MALRD1: variants seen among roughly 807,000 people sequenced by gnomAD.
MALRD1 encodes the protein MAM and LDL receptor class A domain containing 1, also known as MAM and LDL-receptor class A domain-containing protein 1.
MALRD1 carries 247 observed loss-of-function variants against 242.1 expected under a neutral mutation model. That is an observed-to-expected ratio of 1.02 (90% CI 0.92 to 1.13). The LOEUF is 1.13. Ranked by LOEUF, MALRD1 falls within the 50% of genes most tolerant of loss-of-function variation. MALRD1 has a pLI of 0.00. For missense variants in MALRD1, 2,989 were observed against 2,533.1 expected, an observed-to-expected ratio of 1.18 and a Z score of -3.86; for synonymous variants, 995 against 866.6, an observed-to-expected ratio of 1.15 and a Z score of -2.60.
intron 12 of MALRD1, among the ~76,000 whole-genome samples, chr10:19,159,638 A>T (rs914102121): frequency 1.3e-5 from 2 of 149,018 alleles, no homozygotes; most frequent in Non-Finnish European, 3.0e-5. Flanking sequence ...GATCAAAATT[A>T]AAAAAAAAAG....
intron 36 of MALRD1, among the ~76,000 whole-genome samples, chr10:19,627,490 C>T (rs903237902): frequency 6.6e-6 from 1 of 152,020 alleles, no homozygotes; most frequent in Non-Finnish European, 1.5e-5. Flanking sequence ...GTAATCCCAG[C>T]ACTTTGGGAG....
intron 24 of MALRD1, 122 bp from the exon 25 acceptor site, chr10:19,347,649 G>C (rs1844190964): frequency 8.6e-7 from 1 of 1,156,344 alleles, no homozygotes; most frequent in Admixed American, 2.5e-5. Context: ...TTGCTATCAG[G>C]ATAGCATTAT....
intron 26 of MALRD1, among the ~76,000 whole-genome samples, chr10:19,379,557 A>C (rs1302168693): frequency 2.0e-5 from 3 of 152,164 alleles, no homozygotes; most frequent in Non-Finnish European, 2.9e-5. Context: ...GGTTACTTAC[A>C]AATATGTTGT....
chr10:19,138,538 G>A lies in MALRD1; in HGVS notation c.1411+1757G>A, dbSNP rs192943826. On this transcript the variant is annotated intron_variant, in intron 10 of 39. Coordinates refer to ENST00000454679, the MANE Select transcript of MALRD1 (RefSeq NM_001142308.3). ...CGGGTTCAAGTGATTCTCCTGTCTC[G>A]GCCTCCAGAGTAGCTGGGATTACAA... Among the ~76,000 whole-genome samples, 742 of 150,510 alleles carry A rather than the reference G, an allele frequency of 4.9e-3. 2 individuals are homozygous for A. Among genetic ancestry groups the A allele is most frequent in the Non-Finnish European group, 8.1e-3 (549 of 67,746 alleles).
intron 28 of MALRD1, among the ~76,000 whole-genome samples, chr10:19,431,587 C>T (rs564538813): frequency 1.3e-5 from 2 of 152,298 alleles, no homozygotes; most frequent in East Asian, 3.9e-4. Context: ...TAGCACTCCT[C>T]AAAAGACTTT....
At chr10:19,609,554 G>A (rs1031962783) in intron 35 of MALRD1, among the ~76,000 whole-genome samples, 1 of 151,976 alleles carries the variant, frequency 6.6e-6, no homozygotes, top group African/African-American at 2.4e-5. Flanking sequence ...AATTCCCATA[G>A]TGGTCTCACC....
intron 21 of MALRD1, among the ~76,000 whole-genome samples, chr10:19,295,462 GGTGTGT>G (rs10685643): frequency 1.3e-5 from 2 of 149,014 alleles, no homozygotes; most frequent in East Asian, 2.0e-4. Context: ...GTATGTTTTG[GGTGTGT>G]GTGTGTGTGT....
intron 32 of MALRD1, among the ~76,000 whole-genome samples, chr10:19,531,823 A>G (rs1272672466): frequency 6.6e-6 from 1 of 152,240 alleles, no homozygotes; most frequent in African/African-American, 2.4e-5. Flanking sequence ...AATAATCTGT[A>G]CCAAATGCAG....
At chr10:19,177,412 A>G (rs1215100721) in intron 14 of MALRD1, among the ~76,000 whole-genome samples, 1 of 152,132 alleles carries the variant, frequency 6.6e-6, no homozygotes, top group Non-Finnish European at 1.5e-5. Flanking sequence ...AAAAGCATTA[A>G]AGTTGACATT....
intron 36 of MALRD1, among the ~76,000 whole-genome samples, chr10:19,643,598 G>A (rs528035646): frequency 2.0e-5 from 3 of 152,196 alleles, no homozygotes; most frequent in Non-Finnish European, 4.4e-5. Flanking sequence ...AGAAAAATCA[G>A]CACTAATTCT....
In MALRD1 at chr10:19,489,082, C is replaced by T. The variant is rs768471460; in HGVS notation, c.5030-2435C>T. ...GCAGCGCCAGGCACCGCGCACGCGC[C>T]TTTCCGGAGCCAGAATGCCCAAGAG... On this transcript the variant is annotated intron_variant, in intron 29 of 39. Coordinates refer to ENST00000454679, the MANE Select transcript of MALRD1 (RefSeq NM_001142308.3). 1.1e-5 allele frequency: 5 copies of T among 460,866 alleles called. 1 individual carries two copies. Among genetic ancestry groups the T allele is most frequent in the Middle Eastern group, 3.2e-4 (1 of 3,098 alleles). The allele number at this position is 460,866 out of a possible 1,614,324, so 28.5% of individuals were successfully genotyped here.
At chr10:19,312,426 G>A (rs1842472797) in intron 21 of MALRD1, among the ~76,000 whole-genome samples, 1 of 149,338 alleles carries the variant, frequency 6.7e-6, no homozygotes, top group Admixed American at 6.7e-5. Flanking sequence ...GTGTGTGTGT[G>A]TGAGAGAGAG....
In MALRD1 at chr10:19,461,022, T is replaced by C. The variant is rs563562454; in HGVS notation, c.5029+10532T>C. On this transcript the variant is annotated intron_variant, in intron 29 of 39. Transcript: ENST00000454679. The stretch of plus-strand genomic sequence containing the variant: ...ACAACTTCTGGTTATAGTAACCTAA[T>C]TCCTCCACTGATCCGTTGCATACAT... Among the ~76,000 whole-genome samples the C allele has an allele frequency of 9.2e-4, 140 of 152,306 alleles. 1 individual carries two copies. The highest frequency in any genetic ancestry group is 3.3e-3 in the African/African-American group (137 of 41,564).
chr10:19,099,426 G>A (rs1252216157), intron 4 of MALRD1, among the ~76,000 whole-genome samples: 15 of 151,980 alleles, frequency 9.9e-5, no homozygotes, highest in African/African-American at 2.4e-5. Flanking sequence ...GACCACTTAC[G>A]TCTATTCAGA....
chr10:19,182,324 ATTTTTTTTTTTT>A (rs34790120), intron 14 of MALRD1, among the ~76,000 whole-genome samples: 1 of 81,960 alleles, frequency 1.2e-5, no homozygotes, highest in Non-Finnish European at 2.2e-5. Flanking sequence ...CAAAACCTAC[ATTTTTTTTTTTT>A]TTTTTTTTTT....
chr10:19,540,242 T>C (rs1834903820), intron 32 of MALRD1, among the ~76,000 whole-genome samples: 1 of 152,106 alleles, frequency 6.6e-6, no homozygotes, highest in Admixed American at 6.5e-5. Flanking sequence ...CCTGTGATGA[T>C]AGCAGACATA....
At chr10:19,075,553 G>C (rs932642472) in intron 2 of MALRD1, among the ~76,000 whole-genome samples, 10 of 152,050 alleles carry the variant, frequency 6.6e-5, no homozygotes, top group Non-Finnish European at 1.5e-4. Flanking sequence ...ACAATCACTG[G>C]TTAACAGCCA....
intron 10 of MALRD1, among the ~76,000 whole-genome samples, chr10:19,137,172 C>T (rs1833373817): frequency 6.6e-6 from 1 of 151,988 alleles, no homozygotes; most frequent in Non-Finnish European, 1.5e-5. Context: ...TCTAGTCAAT[C>T]ATCTTGGAAG....
At chr10:19,601,821 G>T (rs1838356195) in intron 34 of MALRD1, among the ~76,000 whole-genome samples, 1 of 151,972 alleles carries the variant, frequency 6.6e-6, no homozygotes, top group African/African-American at 2.4e-5. Flanking sequence ...ATGTTTTCAA[G>T]AAGATGAGTA....
Sources: allele counts gnomAD v4.1 joint callset (sites outside exome capture counted in the v4.1 genomes callset), GRCh38; gene constraint gnomAD v4.1.1; transcripts MANE v1.5; gene names NCBI Gene and HGNC (gene_info 2026-07-23, HGNC 2026-07-21).